The following CEP128 variants were observed in gnomAD, a reference collection of about 807,000 sequenced individuals.
The protein encoded by CEP128 is centrosomal protein 128, also known as centrosomal protein 128kDa.
Under a neutral mutation model 156.7 loss-of-function variants are expected in CEP128, and 132 were observed. The ratio of observed to expected loss-of-function variants is 0.84; its 90% CI spans 0.73 to 0.97. CEP128 has a LOEUF of 0.97. Ranked by LOEUF, CEP128 falls within the 50% of genes least tolerant of loss-of-function variation. The pLI is 0.00. For missense variants in CEP128, 1,252 were observed against 1,281.9 expected (o/e 0.98, Z 0.36); for synonymous variants, 469 against 448.9 (o/e 1.04, Z -0.57).
intron 9 of CEP128, among the ~76,000 whole-genome samples, chr14:80,846,563 A>G (rs764724874): frequency 1.4e-4 from 21 of 152,204 alleles, no homozygotes; most frequent in Admixed American, 2.6e-4. Context: ...CACACACTTT[A>G]CAAAAATACT....
chr14:80,738,709 A>T (rs1019743861), intron 19 of CEP128, among the ~76,000 whole-genome samples: 6 of 152,028 alleles, frequency 3.9e-5, no homozygotes, highest in African/African-American at 1.4e-4. Context: ...TTTATTAATT[A>T]TTATTAATGT....
chr14:80,691,145 C>G (rs1896707190), intron 19 of CEP128, among the ~76,000 whole-genome samples: 1 of 152,118 alleles, frequency 6.6e-6, no homozygotes, highest in South Asian at 2.1e-4. Flanking sequence ...ATGCTAAAAT[C>G]CACAGACCAA....
At chr14:80,816,087 C>A (rs1443435705) in intron 13 of CEP128, among the ~76,000 whole-genome samples, 1 of 151,862 alleles carries the variant, frequency 6.6e-6, no homozygotes, top group Non-Finnish European at 1.5e-5. Context: ...TACACTTATA[C>A]CCCTTAAATT....
chr14:80,526,007 T>C (rs997713641), intron 23 of CEP128, among the ~76,000 whole-genome samples: 2 of 150,356 alleles, frequency 1.3e-5, no homozygotes, highest in African/African-American at 4.9e-5. Context: ...TTTTTTTTAA[T>C]TGACTTGGAG....
intron 21 of CEP128, among the ~76,000 whole-genome samples, chr14:80,549,818 G>C (rs1890139042): frequency 6.6e-6 from 1 of 152,136 alleles, no homozygotes; most frequent in South Asian, 2.1e-4. Context: ...ACATGCAGTA[G>C]GATGAAGCAC....
intron 2 of CEP128, among the ~76,000 whole-genome samples, chr14:80,951,386 A>G (rs1410206562): frequency 2.0e-5 from 3 of 152,144 alleles, no homozygotes; most frequent in African/African-American, 7.2e-5. Flanking sequence ...CAAGCATTCA[A>G]CAAGTACAGT....
chr14:80,720,633 A>G (rs1897781409), intron 19 of CEP128, among the ~76,000 whole-genome samples: 1 of 152,208 alleles, frequency 6.6e-6, no homozygotes, highest in African/African-American at 2.4e-5. Flanking sequence ...TACTCAGAAA[A>G]TATTAGGTCT....
chr14:80,833,140 ATTTG>A (rs541662365), intron 12 of CEP128, among the ~76,000 whole-genome samples: 175 of 152,074 alleles, frequency 1.2e-3, no homozygotes, highest in Non-Finnish European at 2.0e-3. Context: ...TTGTAAATGT[ATTTG>A]TTTATTTTAT....
chr14:80,541,256 G>C (rs1037018836), intron 21 of CEP128, among the ~76,000 whole-genome samples: 1 of 151,970 alleles, frequency 6.6e-6, no homozygotes, highest in Admixed American at 6.6e-5. Flanking sequence ...CCTATAGCAG[G>C]TTAGGATCTC....
intron 23 of CEP128, among the ~76,000 whole-genome samples, chr14:80,517,153 C>G (rs1394019341): frequency 4.0e-5 from 6 of 151,604 alleles, no homozygotes; most frequent in African/African-American, 1.5e-4. Context: ...ATCAGTCTGG[C>G]AAGAGGTTTT....
intron 19 of CEP128, among the ~76,000 whole-genome samples, chr14:80,637,327 G>C (rs1894226891): frequency 6.6e-6 from 1 of 152,054 alleles, no homozygotes; most frequent in Non-Finnish European, 1.5e-5. Context: ...GGATTACCGA[G>C]GATGACCTAA....
At chr14:80,533,618 C>T (rs1047008868) in intron 21 of CEP128, among the ~76,000 whole-genome samples, 1 of 151,876 alleles carries the variant, frequency 6.6e-6, no homozygotes, top group African/African-American at 2.4e-5. Flanking sequence ...TGAAAAACTC[C>T]TTGACTCCTT....
intron 13 of CEP128, among the ~76,000 whole-genome samples, chr14:80,827,393 C>T (rs1467429534): frequency 6.6e-6 from 1 of 152,278 alleles, no homozygotes; most frequent in East Asian, 1.9e-4. Context: ...GCTTTAAATT[C>T]ATAAGTGGCT....
chr14:80,688,262 C>T lies in CEP128; in HGVS notation c.2806+54813G>A, dbSNP rs368469370. ...TCCCAGATGATAGTAACTCCTTAGT[C>T]AGGTCTCAAAAATTTCTTCCAACAA... On this transcript the variant is annotated intron_variant, in intron 19 of 24. Coordinates refer to ENST00000555265, the MANE Select transcript of CEP128 (RefSeq NM_152446.5). Among the ~76,000 whole-genome samples, 403 of 152,246 alleles carry T rather than the reference C, an allele frequency of 2.6e-3. 2 individuals are homozygous for T. The highest frequency in any genetic ancestry group is 9.2e-3 in the African/African-American group (381 of 41,544).
intron 19 of CEP128, among the ~76,000 whole-genome samples, chr14:80,680,935 C>A (rs1363358437): frequency 6.6e-6 from 1 of 152,120 alleles, no homozygotes; most frequent in Non-Finnish European, 1.5e-5. Context: ...ACTGTGCACC[C>A]CACGGATCAG....
At chr14:80,485,082 C>T (rs897831280) in intron 14 of CEP128, among the ~76,000 whole-genome samples, 4 of 152,080 alleles carry the variant, frequency 2.6e-5, no homozygotes, top group African/African-American at 7.3e-5. Context: ...TCCAGAACTG[C>T]ATTGTTCTCA....
At chr14:80,753,307 T>G (rs1386535634) in intron 18 of CEP128, among the ~76,000 whole-genome samples, 1 of 142,436 alleles carries the variant, frequency 7.0e-6, no homozygotes, top group Non-Finnish European at 1.6e-5. Context: ...TTCAACACAA[T>G]GGGGCAAAGG....
At chr14:80,884,569 T>A (rs572734693) in intron 8 of CEP128, among the ~76,000 whole-genome samples, 2 of 152,140 alleles carry the variant, frequency 1.3e-5, no homozygotes, top group East Asian at 3.9e-4. Context: ...GCGAACTCCC[T>A]CCCCTAGCCA....
At chr14:80,662,836 A>T (rs563322436) in intron 19 of CEP128, among the ~76,000 whole-genome samples, 44 of 152,280 alleles carry the variant, frequency 2.9e-4, no homozygotes, top group African/African-American at 1.1e-3. Flanking sequence ...GCAATGATAG[A>T]AATGTCCTAT....
Sources: allele counts gnomAD v4.1 joint callset (sites outside exome capture counted in the v4.1 genomes callset), GRCh38; gene constraint gnomAD v4.1.1; transcripts MANE v1.5; gene names NCBI Gene and HGNC (gene_info 2026-07-23, HGNC 2026-07-21).